The following SEC14L1 variants were observed in gnomAD, a reference collection of about 807,000 sequenced individuals.
SEC14L1 encodes SEC14-like protein 1.
In SEC14L1, 48 loss-of-function variants were observed where a neutral mutation model predicts 85.3. The ratio of observed to expected loss-of-function variants is 0.56; its 90% CI spans 0.45 to 0.72. The LOEUF is 0.72. Ranked by LOEUF, SEC14L1 falls within the 30% of genes least tolerant of loss-of-function variation. SEC14L1 has a pLI of 0.00. For missense variants in SEC14L1, 682 were observed against 921.4 expected (o/e 0.74, Z 3.36); for synonymous variants, 391 against 355.5 (o/e 1.10, Z -1.12).
chr17:77,089,352 G>A (rs2678770), intron 2 of SEC14L1: 268,063 of 512,442 alleles, frequency 0.52, 72,746 homozygotes, highest in African/African-American at 0.75. Flanking sequence ...GCCAAGTTGT[G>A]GGTGCAGCAT....
intron 3 of SEC14L1, among the ~76,000 whole-genome samples, chr17:77,177,290 C>T (rs1427016456): frequency 6.6e-6 from 1 of 150,630 alleles, no homozygotes; most frequent in Non-Finnish European, 1.5e-5. Context: ...CTGAGATGTC[C>T]GTATTGAGAT....
chr17:77,213,570 G>A lies in SEC14L1; in HGVS notation c.2042+78G>A. On this transcript the variant is annotated intron_variant, in intron 16 of 16. Transcript: ENST00000436233. This position sits in a 1 kb window ranked among gnomAD's most constrained non-coding sequence, Gnocchi z 7.1. ...GGGAGCCTGCAGTCCCACGCCGTGT[G>A]CAGGATCAGCAGTGGCGGCGGGTGT... 6.5e-7 allele frequency: 1 copy of A among 1,533,336 alleles called. No homozygotes were observed. 95.0% of individuals were successfully genotyped at this position (1,533,336 alleles called of 1,614,324 possible). A position where few individuals can be genotyped will look rare whatever the true frequency, so the allele number is the denominator to read the frequency against.
intron 3 of SEC14L1, among the ~76,000 whole-genome samples, chr17:77,171,760 A>G (rs72878690): frequency 0.14 from 21,938 of 152,248 alleles, 1,918 homozygotes; most frequent in Non-Finnish European, 0.2. Context: ...GTTATTAGGT[A>G]ATCTTCCCGA....
At chr17:77,197,808 G>A (rs118150414) in intron 8 of SEC14L1, among the ~76,000 whole-genome samples, 1,837 of 152,236 alleles carry the variant, frequency 0.012, 23 homozygotes, top group South Asian at 0.046. Flanking sequence ...GTTCCACCAT[G>A]TTGGCCAGGC....
At chr17:77,135,159 G>C (rs1411517576) in intron 3 of SEC14L1, among the ~76,000 whole-genome samples, 1 of 152,166 alleles carries the variant, frequency 6.6e-6, no homozygotes, top group Non-Finnish European at 1.5e-5. Flanking sequence ...CACTGTTGGG[G>C]AGCAGGGCAT....
chr17:77,206,632 C>A lies in SEC14L1; in HGVS notation c.1342-96C>A. 4 of 1,424,804 alleles carry A rather than the reference C, an allele frequency of 2.8e-6. No individual in the cohort carries two copies. The highest frequency in any genetic ancestry group is 3.8e-6 in the Non-Finnish European group (4 of 1,042,846). The allele number at this position is 1,424,804 out of a possible 1,614,324, so 88.3% of individuals were successfully genotyped here. Reference sequence around the variant, plus strand: ...GAAGTATATAAACTTGAATGTCTTCCCCCCACCCTCCCACTCAGAATACCA... The same window carrying A: ...GAAGTATATAAACTTGAATGTCTTCACCCCACCCTCCCACTCAGAATACCA... On this transcript the variant is annotated intron_variant, in intron 12 of 16. Coordinates refer to ENST00000436233, the MANE Select transcript of SEC14L1 (RefSeq NM_001143998.2). The surrounding 1 kb of genome is among the most constrained non-coding windows in gnomAD (Gnocchi z 4.3).
At chr17:77,195,536 G>T (rs1975766641) in intron 7 of SEC14L1, among the ~76,000 whole-genome samples, 1 of 152,044 alleles carries the variant, frequency 6.6e-6, no homozygotes, top group Non-Finnish European at 1.5e-5. Context: ...CGCCCAGGCT[G>T]CAGTGTAGTG....
At chr17:77,122,537 A>G (rs7210885) in intron 3 of SEC14L1, among the ~76,000 whole-genome samples, 2,125 of 152,334 alleles carry the variant, frequency 0.014, 51 homozygotes, top group African/African-American at 0.049. Context: ...CTTGGGTAAC[A>G]TAGGAGCAAT....
rs1977116208 is a variant in SEC14L1 at position 77,216,649 on chromosome 17, C to T, written c.*2626C>T. 3 of 1,608,140 alleles carry T rather than the reference C, an allele frequency of 1.9e-6. No individual in the cohort carries two copies. The highest frequency in any genetic ancestry group is 1.1e-5 in the South Asian group (1 of 90,924). ...CTGTTTGAATTGCAGCCATCCCCTG[C>T]CCCCTCCCAGGCTGAAGATCTGTTC... is the stretch of plus-strand genomic sequence containing the variant. On this transcript the variant is annotated 3_prime_UTR_variant, in exon 17 of 17. Transcript: ENST00000436233.
intron 3 of SEC14L1, among the ~76,000 whole-genome samples, chr17:77,122,885 C>G (rs1474382353): frequency 6.6e-6 from 1 of 152,066 alleles, no homozygotes; most frequent in Non-Finnish European, 1.5e-5. Context: ...TCATGGGTAC[C>G]GCATGTCTGC....
chr17:77,091,803 C>T (rs544271679), intron 2 of SEC14L1, among the ~76,000 whole-genome samples: 2 of 151,884 alleles, frequency 1.3e-5, no homozygotes, highest in Non-Finnish European at 2.9e-5. Context: ...GAGACAATAA[C>T]AGTTTATGAA....
chr17:77,160,988 G>C (rs1974030192), intron 3 of SEC14L1, among the ~76,000 whole-genome samples: 1 of 152,190 alleles, frequency 6.6e-6, no homozygotes, highest in South Asian at 2.1e-4. Context: ...AAAACGATGG[G>C]AGTAGTGAGT....
intron 3 of SEC14L1, among the ~76,000 whole-genome samples, chr17:77,180,406 G>A (rs1258090161): frequency 6.6e-6 from 1 of 151,518 alleles, no homozygotes; most frequent in African/African-American, 2.4e-5. Context: ...TTTAATTTTA[G>A]TATTGTCATT....
intron 14 of SEC14L1, chr17:77,211,358 C>G (rs565027473): frequency 6.5e-6 from 1 of 153,368 alleles, no homozygotes; most frequent in Admixed American, 6.5e-5. Context: ...GTAGCTCTGT[C>G]GGTGCTGTGT....
intron 3 of SEC14L1, among the ~76,000 whole-genome samples, chr17:77,106,402 C>T (rs1369237667): frequency 3.9e-5 from 6 of 151,926 alleles, no homozygotes; most frequent in African/African-American, 1.2e-4. Flanking sequence ...CGTGGTGGCA[C>T]GCACCTGAAG....
intron 3 of SEC14L1, among the ~76,000 whole-genome samples, chr17:77,132,186 A>G (rs1972632326): frequency 6.6e-6 from 1 of 151,970 alleles, no homozygotes; most frequent in African/African-American, 2.4e-5. Flanking sequence ...CCAAATGCCA[A>G]AGTGGTCTCT....
chr17:77,132,733 T>A (rs1413016093), intron 3 of SEC14L1, among the ~76,000 whole-genome samples: 2 of 152,204 alleles, frequency 1.3e-5, no homozygotes, highest in African/African-American at 4.8e-5. Flanking sequence ...CTCTTGTTTC[T>A]TTTGCTATGG....
At chr17:77,134,331 C>T (rs1452731835) in intron 3 of SEC14L1, among the ~76,000 whole-genome samples, 1 of 151,866 alleles carries the variant, frequency 6.6e-6, no homozygotes, top group Non-Finnish European at 1.5e-5. Context: ...CTCACTGCAG[C>T]CTCAACCTCC....
intron 3 of SEC14L1, among the ~76,000 whole-genome samples, chr17:77,188,583 A>G (rs923122934): frequency 4.6e-5 from 7 of 152,090 alleles, no homozygotes; most frequent in African/African-American, 1.7e-4. Context: ...AGTTTCTATT[A>G]TGAGTAACGC....
Sources: allele counts gnomAD v4.1 joint callset (sites outside exome capture counted in the v4.1 genomes callset), GRCh38; gene constraint gnomAD v4.1.1; non-coding constraint Gnocchi (gnomAD v3.1); transcripts MANE v1.5; gene names NCBI Gene and HGNC (gene_info 2026-07-23, HGNC 2026-07-21).